TENM1: variants seen among roughly 807,000 people sequenced by gnomAD.
TENM1 encodes the protein teneurin transmembrane protein 1.
A neutral mutation model predicts 174.8 loss-of-function variants in TENM1; 35 were observed. The observed-to-expected ratio is 0.20, with a 90% CI of 0.15 to 0.27. TENM1 has a LOEUF of 0.27. TENM1 is among the 10% of genes least tolerant of loss of function. TENM1 has a pLI of 1.00. For synonymous variants in TENM1, 781 were observed against 798.7 expected, an observed-to-expected ratio of 0.98 and a Z score of 0.37; for missense variants, 1,633 against 2,130.1, an observed-to-expected ratio of 0.77 and a Z score of 4.59.
At chrX:124,602,931 G>A (rs1052225990) in intron 11 of TENM1, among the ~76,000 whole-genome samples, 6 of 111,416 alleles carry the variant, frequency 5.4e-5, no homozygotes, top group Admixed American at 9.6e-5. Flanking sequence ...AGAATCTTAA[G>A]ATTAGATCAG....
rs140163698 is a variant in TENM1 at position 124,664,441 on chromosome X, T to C, written c.1168+7242A>G. 2.4e-3 allele frequency among the ~76,000 whole-genome samples: 249 copies of C among 104,666 alleles called. 2 individuals carry two copies. The highest frequency in any genetic ancestry group is 8.0e-3 in the African/African-American group (228 of 28,445). 90.9% of individuals were successfully genotyped at this position (104,666 alleles called of 115,157 possible). A position where few individuals can be genotyped will look rare whatever the true frequency, so the allele number is the denominator to read the frequency against. On this transcript the variant is annotated intron_variant, in intron 6 of 31. Transcript: ENST00000422452. ...TGTGAAATAAATATCTGCCAAACCT[T>C]AAGTAAATTAAAATTTAACCTGTTA...
intron 1 of TENM1, among the ~76,000 whole-genome samples, chrX:124,905,737 C>T (rs1279970892): frequency 1.8e-5 from 2 of 111,379 alleles, no homozygotes; most frequent in Admixed American, 1.9e-4. Context: ...TACGGAGTAC[C>T]AGAGAGGAGA....
intron 11 of TENM1, among the ~76,000 whole-genome samples, chrX:124,582,079 C>G (rs750748948): frequency 9.0e-6 from 1 of 110,999 alleles, no homozygotes; most frequent in Non-Finnish European, 1.9e-5. Context: ...TTGTTCCCCC[C>G]CATGTCCATG....
chrX:124,634,922 T>C (rs745555604), intron 11 of TENM1, among the ~76,000 whole-genome samples: 1 of 111,838 alleles, frequency 8.9e-6, no homozygotes, highest in African/African-American at 3.2e-5. Flanking sequence ...TAATGAGACA[T>C]TGTTATAATG....
the TENM1 span, among the ~76,000 whole-genome samples, chrX:125,131,570 C>A: frequency 8.9e-6 from 1 of 111,928 alleles, no homozygotes; most frequent in African/African-American, 3.2e-5. Flanking sequence ...TGGTGGCAGG[C>A]ATTTGGCTGA....
At chrX:124,675,595 C>T (rs1321636476) in intron 5 of TENM1, among the ~76,000 whole-genome samples, 1 of 104,155 alleles carries the variant, frequency 9.6e-6, no homozygotes, top group Non-Finnish European at 1.9e-5. Flanking sequence ...TACTTTAAAC[C>T]AGGCACTGTT....
At chrX:125,042,828 A>C in the TENM1 span, among the ~76,000 whole-genome samples, 2 of 111,588 alleles carry the variant, frequency 1.8e-5, no homozygotes, top group Non-Finnish European at 3.8e-5. Flanking sequence ...ACAAAGTTCA[A>C]GGGTTTGACT....
At chrX:124,733,601 T>C (rs1279538102) in intron 4 of TENM1, among the ~76,000 whole-genome samples, 1 of 112,260 alleles carries the variant, frequency 8.9e-6, no homozygotes, top group Non-Finnish European at 1.9e-5. Flanking sequence ...ATTGACTACA[T>C]GAGAAATGAA....
intron 9 of TENM1, among the ~76,000 whole-genome samples, chrX:124,646,015 A>G (rs1011350151): frequency 8.9e-6 from 1 of 112,210 alleles, no homozygotes; most frequent in African/African-American, 3.2e-5. Flanking sequence ...AATAGAAAGA[A>G]ACCAAGTGTC....
At chrX:125,155,517 G>C in the TENM1 span, among the ~76,000 whole-genome samples, 41 of 110,376 alleles carry the variant, frequency 3.7e-4, no homozygotes, top group Admixed American at 3.4e-3. Flanking sequence ...CGTGGAGCAG[G>C]GGGTGGCGCT....
At chrX:124,674,036 TG>T (rs928088639) in intron 5 of TENM1, among the ~76,000 whole-genome samples, 3 of 110,385 alleles carry the variant, frequency 2.7e-5, no homozygotes, top group Admixed American at 9.7e-5. Context: ...ATTCAGCCTT[TG>T]GGGTTGTTGG....
At chrX:124,628,461 A>G (rs1269354986) in intron 11 of TENM1, among the ~76,000 whole-genome samples, 4 of 111,389 alleles carry the variant, frequency 3.6e-5, no homozygotes, top group Admixed American at 9.6e-5. Flanking sequence ...ATTAATTTAA[A>G]TAATATATTT....
intron 3 of TENM1, among the ~76,000 whole-genome samples, chrX:124,831,869 T>A (rs1232262684): frequency 8.9e-6 from 1 of 111,925 alleles, no homozygotes; most frequent in East Asian, 2.8e-4. Flanking sequence ...TATATGTTTG[T>A]CTCAGAGAAA....
At chrX:124,618,556 A>G (rs1364885137) in intron 11 of TENM1, among the ~76,000 whole-genome samples, 3 of 111,010 alleles carry the variant, frequency 2.7e-5, no homozygotes, top group African/African-American at 9.8e-5. Flanking sequence ...GTATTATTTA[A>G]TGCTAACTTC....
At chrX:124,629,078 T>C (rs992429086) in intron 11 of TENM1, among the ~76,000 whole-genome samples, 4 of 111,928 alleles carry the variant, frequency 3.6e-5, no homozygotes, top group Non-Finnish European at 3.8e-5. Context: ...TAGATTTCTT[T>C]TGCCTAAAAT....
At chrX:124,426,423 C>T (rs1013111469) in intron 23 of TENM1, among the ~76,000 whole-genome samples, 4 of 112,082 alleles carry the variant, frequency 3.6e-5, no homozygotes, top group South Asian at 3.7e-4. Context: ...TTGCATTCTG[C>T]GGCCTACTAC....
chrX:125,022,017 T>C, the TENM1 span, among the ~76,000 whole-genome samples: 3 of 112,412 alleles, frequency 2.7e-5, no homozygotes, highest in Non-Finnish European at 5.6e-5. Context: ...TATCAAGTTT[T>C]AGAAGAATTT....
intron 11 of TENM1, 93 bp from the exon 15 acceptor site, chrX:124,565,653 C>A: frequency 1.8e-6 from 1 of 555,056 alleles, no homozygotes; most frequent in Non-Finnish European, 2.5e-6. Flanking sequence ...AAATCCCTGT[C>A]TATATTTATA....
At chrX:124,861,494 C>A (rs186210833) in intron 3 of TENM1, among the ~76,000 whole-genome samples, 70 of 111,947 alleles carry the variant, frequency 6.3e-4, no homozygotes, top group African/African-American at 2.1e-3. Context: ...CACTTTAACA[C>A]CTTATTCTTT....
Sources: gnomAD v4.1 joint callset for allele counts (sites outside exome capture counted in the v4.1 genomes callset) on GRCh38, gnomAD v4.1.1 for gene constraint, MANE v1.5 for transcripts, NCBI Gene and HGNC (gene_info 2026-07-23, HGNC 2026-07-21) for gene names.